Variants in TTC34 observed in about 807,000 individuals in gnomAD.
TTC34 encodes tetratricopeptide repeat protein 34.
TTC34 carries 44 observed loss-of-function variants against 40.7 expected under a neutral mutation model. The observed-to-expected ratio is 1.08, with a 90% CI of 0.85 to 1.39. The LOEUF (loss-of-function observed/expected upper bound fraction) is 1.39, where lower values mean the gene tolerates loss of function less well. TTC34 is among the 40% of genes most tolerant of loss of function. TTC34 has a pLI of 0.00. For synonymous variants in TTC34, 422 were observed against 398.6 expected (o/e 1.06, Z -0.70); for missense variants, 884 against 838.0 (o/e 1.05, Z -0.68).
chr1:2,652,360 G>T (rs28581291), intron 6 of TTC34, among the ~76,000 whole-genome samples: 1 of 49,250 alleles, frequency 2.0e-5, no homozygotes, highest in African/African-American at 7.8e-5. Context: ...GGAACAGCAC[G>T]CACACCCCCA....
At chr1:2,768,075 G>A (rs546559413) in intron 6 of TTC34, among the ~76,000 whole-genome samples, 5 of 151,452 alleles carry the variant, frequency 3.3e-5, no homozygotes, top group African/African-American at 1.2e-4. Context: ...GCCAGGAACG[G>A]CAACCCACAT....
intron 6 of TTC34, among the ~76,000 whole-genome samples, chr1:2,757,403 TGTGACAGC>T (rs1641542151): frequency 4.6e-5 from 1 of 21,742 alleles, no homozygotes; most frequent in Non-Finnish European, 7.4e-5. Context: ...CAGGTGAGCA[TGTGACAGC>T]CTGGATCTGC....
rs776228193 is a variant in TTC34, at chr1:2,641,877, C to T, written c.2731G>A (p.Gly911Ser). 5.8e-5 allele frequency: 87 copies of T among 1,488,288 alleles called. 1 individual carries two copies. Among genetic ancestry groups the T allele is most frequent in the Middle Eastern group, 3.8e-4 (2 of 5,298 alleles). 92.2% of individuals were successfully genotyped at this position (1,488,288 alleles called of 1,614,324 possible). A position where few individuals can be genotyped will look rare whatever the true frequency, so the allele number is the denominator to read the frequency against. Residue 911 changes from glycine to serine, a missense_variant, in exon 9 of 9, where the codon GGC becomes AGC. Transcript: ENST00000401095. ...GGTTGCCCTGCGTCCAGGAGGGTGCCGGCTTCCTGGGCCGCCGCCTGCACA... is the reference window on the plus strand; with the variant it reads ...GGTTGCCCTGCGTCCAGGAGGGTGCTGGCTTCCTGGGCCGCCGCCTGCACA...
chr1:2,783,591 T>C lies in TTC34; in HGVS notation c.2226+18A>G. On this transcript the variant is annotated intron_variant, in intron 6 of 8. Coordinates refer to ENST00000401095, the Ensembl canonical transcript of TTC34. ...CCACCCGTGCTTGCCCAGGCCCAGGTCAGGAGTGGGGCGGCACCTGCAGCT... is the reference window on the plus strand; with the variant it reads ...CCACCCGTGCTTGCCCAGGCCCAGGCCAGGAGTGGGGCGGCACCTGCAGCT... The C allele has an allele frequency of 7.2e-7, 1 of 1,386,806 alleles. No individual in the cohort carries two copies. The highest frequency in any genetic ancestry group is 2.7e-5 in the Admixed American group (1 of 37,100). The allele number at this position is 1,386,806 out of a possible 1,614,324, so 85.9% of individuals were successfully genotyped here.
chr1:2,749,339 G>C (rs1641242168), intron 6 of TTC34, among the ~76,000 whole-genome samples: 1 of 93,590 alleles, frequency 1.1e-5, no homozygotes, highest in Non-Finnish European at 1.9e-5. Flanking sequence ...GTGAGCATCT[G>C]ACAGACTGGA....
At chr1:2,751,322 A>ACC (rs1641311636) in intron 6 of TTC34, among the ~76,000 whole-genome samples, 5 of 12,376 alleles carry the variant, frequency 4.0e-4, no homozygotes, top group Admixed American at 9.0e-4. Flanking sequence ...GAGCAGAACA[A>ACC]ACACCCCCAG....
intron 6 of TTC34, among the ~76,000 whole-genome samples, chr1:2,778,101 TGGG>T (rs1464136009): frequency 6.6e-6 from 1 of 152,136 alleles, no homozygotes; most frequent in South Asian, 2.1e-4. Flanking sequence ...GTGGGAAACT[TGGG>T]GGAAACTTGG....
At chr1:2,694,472 C>A (rs555680134) in intron 6 of TTC34, among the ~76,000 whole-genome samples, 43 of 109,024 alleles carry the variant, frequency 3.9e-4, no homozygotes, top group African/African-American at 1.7e-3. Context: ...ACCCACAACC[C>A]CAGGCGTGCA....
At chr1:2,654,689 T>TGAAACAGCTCCCA (rs1639277951) in intron 6 of TTC34, among the ~76,000 whole-genome samples, 1 of 82,160 alleles carries the variant, frequency 1.2e-5, no homozygotes, top group Non-Finnish European at 2.3e-5. Flanking sequence ...AATGGCATCC[T>TGAAACAGCTCCCA]CACCTCCAGG....
chr1:2,683,176 G>A (rs1213699641), intron 6 of TTC34, among the ~76,000 whole-genome samples: 2 of 136,478 alleles, frequency 1.5e-5, no homozygotes. Context: ...CGGCAGCCTG[G>A]AGCGGAACCC....
At position 2,788,495 on chromosome 1, in the gene TTC34, AC is replaced by A. The variant is rs1044070440; in HGVS notation, c.1629-790del. ...TGATGCCCCTCCAAGAACCGCCCCCACCCCCCGGACTCAGTGCTTTTAACTT... is the reference window on the plus strand; with the variant it reads ...TGATGCCCCTCCAAGAACCGCCCCCACCCCCGGACTCAGTGCTTTTAACTT... On this transcript the variant is annotated intron_variant, in intron 3 of 8. Coordinates refer to ENST00000401095, the Ensembl canonical transcript of TTC34. Among the ~76,000 whole-genome samples, 12 of 150,928 alleles carry A rather than the reference AC, an allele frequency of 8.0e-5. No homozygotes were observed. The South Asian group carries it at 2.1e-3, about 27-fold the overall frequency.
chr1:2,778,978 G>A (rs914852235), intron 6 of TTC34, among the ~76,000 whole-genome samples: 8 of 152,054 alleles, frequency 5.3e-5, no homozygotes, highest in South Asian at 2.1e-4. Context: ...TCTGTGATTC[G>A]ATGACTCTAG....
At chr1:2,755,919 T>C (rs1343195299) in intron 6 of TTC34, among the ~76,000 whole-genome samples, 23 of 73,602 alleles carry the variant, frequency 3.1e-4, no homozygotes, top group South Asian at 1.3e-3. Context: ...GGTGAGCATC[T>C]GACAGCCTGG....
chr1:2,753,031 G>C (rs1641376717), intron 6 of TTC34, among the ~76,000 whole-genome samples: 55 of 150,618 alleles, frequency 3.7e-4, no homozygotes, highest in Non-Finnish European at 6.8e-4. Context: ...GTGAGCATCC[G>C]ACAGCCTGGA....
chr1:2,686,713 G>A lies in TTC34; in HGVS notation c.2227-41150C>T, dbSNP rs1640368966. 4.2e-5 allele frequency among the ~76,000 whole-genome samples: 6 copies of A among 142,562 alleles called. 1 individual carries two copies. The highest frequency in any genetic ancestry group is 1.6e-4 in the African/African-American group (6 of 37,838). 93.5% of individuals were successfully genotyped at this position (142,562 alleles called of 152,430 possible). A position where few individuals can be genotyped will look rare whatever the true frequency, so the allele number is the denominator to read the frequency against. ...GGTGCGCACGTGACAGCCTGGAACA[G>A]CACACACACCCCCAGGCGAGCATCT... On this transcript the variant is annotated intron_variant, in intron 6 of 8. Coordinates refer to ENST00000401095, the Ensembl canonical transcript of TTC34.
chr1:2,694,590 C>A (rs570646760), intron 6 of TTC34, among the ~76,000 whole-genome samples: 28 of 101,276 alleles, frequency 2.8e-4, no homozygotes, highest in Non-Finnish European at 5.2e-4. Flanking sequence ...AGTACCCACA[C>A]CCACAGGCGA....
intron 6 of TTC34, among the ~76,000 whole-genome samples, chr1:2,753,283 C>A (rs1375867506): frequency 0.023 from 949 of 40,638 alleles, no homozygotes; most frequent in Middle Eastern, 0.17. Context: ...CAGCCTGGAA[C>A]AGCACCCTGC....
chr1:2,652,702 G>A (rs1570754479), intron 6 of TTC34, among the ~76,000 whole-genome samples: 1 of 149,272 alleles, frequency 6.7e-6, no homozygotes, highest in Non-Finnish European at 1.5e-5. Context: ...GTGAGCATCT[G>A]ACAGCCTGGA....
intron 6 of TTC34, among the ~76,000 whole-genome samples, chr1:2,686,607 G>A (rs530959129): frequency 6.6e-6 from 1 of 151,530 alleles, no homozygotes; most frequent in Admixed American, 6.6e-5. Context: ...CACACCCCCA[G>A]GCGAGCATCT....
Sources: gnomAD v4.1 joint callset for allele counts (sites outside exome capture counted in the v4.1 genomes callset) on GRCh38, gnomAD v4.1.1 for gene constraint, MANE v1.5 for transcripts, NCBI Gene and HGNC (gene_info 2026-07-23, HGNC 2026-07-21) for gene names.